The following ACACB variants were observed in gnomAD, a reference collection of about 807,000 sequenced individuals.
ACACB encodes the protein acetyl-CoA carboxylase beta, also known as acetyl-CoA carboxylase 2.
Under a neutral mutation model 278.8 loss-of-function variants are expected in ACACB, and 209 were observed. The ratio of observed to expected loss-of-function variants is 0.75; its 90% CI spans 0.67 to 0.84. ACACB has a LOEUF of 0.84. Ranked by LOEUF, ACACB falls within the 40% of genes least tolerant of loss-of-function variation. The pLI, the probability that ACACB is intolerant of heterozygous loss-of-function variation, is 0.00. For synonymous variants in ACACB, 1,174 were observed against 1,285.6 expected (o/e 0.91, Z 1.86); for missense variants, 2,850 against 3,269.0 (o/e 0.87, Z 3.13).
chr12:109,181,679 A>G lies in ACACB; in HGVS notation c.1818+1592A>G, dbSNP rs7971878. On this transcript the variant is annotated intron_variant, in intron 11 of 52. Transcript: ENST00000338432. The stretch of plus-strand genomic sequence containing the variant: ...TTCTTTTGAGTATATATTTAGCAGT[A>G]GGATTGCTAGATTGGTAGTTCTACT... 7.9e-5 allele frequency among the ~76,000 whole-genome samples: 12 copies of G among 152,144 alleles called. 1 individual carries two copies. The highest frequency in any genetic ancestry group is 2.7e-4 in the African/African-American group (11 of 41,432).
chr12:109,167,745 G>A, intron 3 of ACACB, 151 bp from the exon 4 acceptor site: 18 of 1,166,018 alleles, frequency 1.5e-5, no homozygotes, highest in Non-Finnish European at 2.2e-5. Context: ...GCTGGGGTGT[G>A]TGCCATGGAA....
intron 31 of ACACB, 99 bp downstream of exon 31, chr12:109,234,144 A>G (rs919914931): frequency 5.1e-6 from 5 of 976,916 alleles, no homozygotes; most frequent in South Asian, 4.3e-5. Context: ...CGTGCTGAGT[A>G]CTTCAGAGCC....
In ACACB at chr12:109,199,147, G is replaced by A. The variant is rs550147903; in HGVS notation, c.2628-255G>A. Among the ~76,000 whole-genome samples the A allele has an allele frequency of 1.4e-4, 21 of 151,812 alleles. No homozygotes were observed. The South Asian group carries it at 3.9e-3, about 29-fold the overall frequency. On this transcript the variant is annotated intron_variant, in intron 17 of 52. Transcript: ENST00000338432. Reference sequence around the variant, plus strand: ...GGAGCTTGCAGTGAGCCGAGATCGCGCCACTGCACTCCAGCCTGGGCAACA... The same window carrying A: ...GGAGCTTGCAGTGAGCCGAGATCGCACCACTGCACTCCAGCCTGGGCAACA...
intron 4 of ACACB, among the ~76,000 whole-genome samples, chr12:109,168,480 A>G (rs2043995550): frequency 6.6e-6 from 1 of 152,136 alleles, no homozygotes; most frequent in South Asian, 2.1e-4. Flanking sequence ...GTGACCTTTT[A>G]AAAGCATAAC....
intron 20 of ACACB, among the ~76,000 whole-genome samples, chr12:109,208,848 A>G (rs2136386591): frequency 6.6e-6 from 1 of 152,300 alleles, no homozygotes; most frequent in East Asian, 1.9e-4. Flanking sequence ...AGTTCCTAGA[A>G]CACTGTCTGG....
intron 19 of ACACB, among the ~76,000 whole-genome samples, chr12:109,204,744 T>C (rs1193446597): frequency 1.3e-5 from 2 of 152,160 alleles, no homozygotes; most frequent in African/African-American, 2.4e-5. Context: ...AGTGAGAACA[T>C]GCTAAATTTG....
At position 109,188,152 on chromosome 12, in the gene ACACB, G is replaced by A; in HGVS notation, c.2134G>A (p.Glu712Lys). The A allele has an allele frequency of 6.2e-7, 1 of 1,600,830 alleles. No homozygotes were observed. The highest frequency in any genetic ancestry group is 8.6e-7 in the Non-Finnish European group (1 of 1,169,250). ...CTTCTCCTGGGGAGAGAACCGGGAAGAGGCCATTTCGTCAGTATCTCCTTC... is the reference window on the plus strand; with the variant it reads ...CTTCTCCTGGGGAGAGAACCGGGAAAAGGCCATTTCGTCAGTATCTCCTTC... ...HCFSWGENRE[E>K]AISNMVVALK... Residue 712 changes from glutamate (E) to lysine (K), a missense_variant, in exon 13 of 53, where the codon GAG becomes AAG. By Grantham distance (56) the Glu-to-Lys change is moderately conservative (BLOSUM62 1). Around this residue, in one of 3 missense-constraint regions of ACACB, gnomAD observed 2,265 missense variants for 2,561.3 expected, o/e 0.88. Coordinates refer to ENST00000338432, the MANE Select transcript of ACACB (RefSeq NM_001093.4).
In ACACB at chr12:109,167,779, T is replaced by A; in HGVS notation, c.787-117T>A. On this transcript the variant is annotated intron_variant, in intron 3 of 52. Coordinates refer to ENST00000338432, the MANE Select transcript of ACACB (RefSeq NM_001093.4). ...AAATACATAGAAATACCAAGAGGAA[T>A]GATGTGCTGCGGGGGCTGCAGGAGG... 8.2e-6 allele frequency: 12 copies of A among 1,467,720 alleles called. No homozygotes were observed. In the South Asian group the frequency reaches 1.2e-4, roughly 15 times the overall value. 90.9% of individuals were successfully genotyped at this position (1,467,720 alleles called of 1,614,324 possible). A position where few individuals can be genotyped will look rare whatever the true frequency, so the allele number is the denominator to read the frequency against.
At chr12:109,257,641 G>A (rs2047264287) in intron 45 of ACACB, among the ~76,000 whole-genome samples, 1 of 152,180 alleles carries the variant, frequency 6.6e-6, no homozygotes, top group African/African-American at 2.4e-5. Context: ...CATGATCGCT[G>A]TTCACTGCAG....
intron 4 of ACACB, 86 bp downstream of exon 4, chr12:109,168,120 C>A: frequency 2.8e-6 from 4 of 1,435,948 alleles, no homozygotes; most frequent in Non-Finnish European, 3.8e-6. Flanking sequence ...CAAGTCCATC[C>A]TGGACTCCCG....
chr12:109,258,979 C>T lies in ACACB; in HGVS notation c.6367C>T (p.Gln2123Ter). 1 of 1,614,074 alleles carries T rather than the reference C, an allele frequency of 6.2e-7. No individual in the cohort carries two copies. The highest frequency in any genetic ancestry group is 8.5e-7 in the Non-Finnish European group (1 of 1,179,964). The stretch of plus-strand genomic sequence containing the variant: ...CCGCAGCTCTGTGTTCCAGATAATT[C>T]AGCAGGCAGGACAGGTGTGGTTCCC... ...ANLDSEAKII[Q>*]QAGQVWFPDS... Residue 2123 changes from glutamine (Q) to a stop codon, truncating the protein, a stop_gained, in exon 47 of 53, where the codon CAG (glutamine) becomes TAG (stop). Transcript: ENST00000338432. LOFTEE classifies it high-confidence loss of function.
chr12:109,168,810 A>C (rs2284700), intron 4 of ACACB, among the ~76,000 whole-genome samples: 27,394 of 151,886 alleles, frequency 0.18, 3,078 homozygotes, highest in East Asian at 0.53. Context: ...AAACAGACTG[A>C]GACTCTGTCT....
Position 109,180,067 on chromosome 12 carries a change from C to T in ACACB, c.1798C>T (p.Leu600=), listed in dbSNP as rs772000393. 1.7e-5 allele frequency: 27 copies of T among 1,611,340 alleles called. No individual in the cohort carries two copies. Among genetic ancestry groups the T allele is most frequent in the Non-Finnish European group, 2.3e-5 (27 of 1,179,130 alleles). The change falls in exon 11 of 53, where the codon CTG becomes TTG. Residue 600 remains leucine, a synonymous_variant. Coordinates refer to ENST00000338432, the MANE Select transcript of ACACB (RefSeq NM_001093.4). The stretch of plus-strand genomic sequence containing the variant: ...CACAGAAATGATTGCTGATGTTAAT[C>T]TGCCGGCCGCCCAGCTACAGGTGAG... ...PCTEMIADVN[L]PAAQLQIAMG... is the part of the protein sequence containing the mutation.
chr12:109,229,981 T>C (rs1287282549), intron 28 of ACACB, among the ~76,000 whole-genome samples: 1 of 152,176 alleles, frequency 6.6e-6, no homozygotes, highest in Non-Finnish European at 1.5e-5. Context: ...ATTCGAAGTG[T>C]TCTCTCTCAC....
chr12:109,166,536 G>T (rs771836805), intron 2 of ACACB, among the ~76,000 whole-genome samples: 1 of 151,246 alleles, frequency 6.6e-6, no homozygotes, highest in Non-Finnish European at 1.5e-5. Context: ...TTAAAAGTCG[G>T]CTGGGCTTGG....
At chr12:109,146,010 A>C (rs1472435116) in intron 2 of ACACB, among the ~76,000 whole-genome samples, 2 of 151,550 alleles carry the variant, frequency 1.3e-5, no homozygotes, top group Non-Finnish European at 2.9e-5. Flanking sequence ...CTCTGACTCG[A>C]AAAAAAAATT....
Position 109,260,512 on chromosome 12 carries a change from T to C in ACACB, c.6529T>C (p.Tyr2177His). The C allele has an allele frequency of 6.2e-7, 1 of 1,614,216 alleles. No individual in the cohort carries two copies. The highest frequency in any genetic ancestry group is 1.3e-5 in the African/African-American group (1 of 75,046). The stretch of plus-strand genomic sequence containing the variant: ...TGACCAGGTGCTGAAGTTTGGAGCC[T>C]ACATCGTGGACGGCCTTAGACAATA... ...MYDQVLKFGA[Y>H]IVDGLRQYKQ... Residue 2177 changes from tyrosine to histidine, a missense_variant, in exon 48 of 53, where the codon TAC (tyrosine) becomes CAC (histidine). Transcript: ENST00000338432.
chr12:109,208,060 C>A (rs1029629795), intron 20 of ACACB, among the ~76,000 whole-genome samples: 2 of 152,138 alleles, frequency 1.3e-5, no homozygotes, highest in African/African-American at 4.8e-5. Flanking sequence ...TTTCCACTTA[C>A]AGTTGAGGCA....
chr12:109,241,302 G>C (rs762929600), intron 36 of ACACB, 21 bp downstream of exon 36: 1 of 1,610,902 alleles, frequency 6.2e-7, no homozygotes, highest in Non-Finnish European at 8.5e-7. Context: ...CCCGCGCCGT[G>C]GGGGTCTAAG....
Sources: allele counts gnomAD v4.1 joint callset (sites outside exome capture counted in the v4.1 genomes callset), GRCh38; gene constraint gnomAD v4.1.1; regional missense constraint gnomAD v4.1.1; transcripts MANE v1.5; gene names NCBI Gene and HGNC (gene_info 2026-07-23, HGNC 2026-07-21).